UTRN: variants seen among roughly 807,000 people sequenced by gnomAD.
UTRN encodes dystrophin-related protein 1.
In UTRN, 283 loss-of-function variants were observed where a neutral mutation model predicts 463.9. The ratio of observed to expected loss-of-function variants is 0.61; its 90% confidence interval spans 0.55 to 0.67. The LOEUF (loss-of-function observed/expected upper bound fraction) is 0.67, where lower values mean the gene tolerates loss of function less well. Ranked by LOEUF, UTRN falls within the 30% of genes least tolerant of loss-of-function variation. The pLI, the probability that UTRN is intolerant of heterozygous loss-of-function variation, is 0.00. For synonymous variants in UTRN, 1,442 were observed against 1,431.5 expected (o/e 1.01, Z -0.17); for missense variants, 3,922 against 4,084.3 (o/e 0.96, Z 1.08).
chr6:144,842,752 T>G (rs1180809853), intron 73 of UTRN, among the ~76,000 whole-genome samples: 6 of 152,196 alleles, frequency 3.9e-5, no homozygotes, highest in Non-Finnish European at 5.9e-5. Context: ...TCTACTATAA[T>G]GCTTCTCAAA....
intron 51 of UTRN, among the ~76,000 whole-genome samples, chr6:144,663,851 T>G (rs989342581): frequency 6.6e-6 from 1 of 152,236 alleles, no homozygotes; most frequent in Admixed American, 6.5e-5. Context: ...TTGCTCAGTT[T>G]GCCATATCTC....
intron 51 of UTRN, among the ~76,000 whole-genome samples, chr6:144,578,362 T>A (rs941189682): frequency 6.6e-6 from 1 of 152,150 alleles, no homozygotes; most frequent in African/African-American, 2.4e-5. Context: ...CTTTTGTTGT[T>A]GTTGTTTTGT....
intron 51 of UTRN, among the ~76,000 whole-genome samples, chr6:144,641,113 G>A (rs747832177): frequency 3.3e-5 from 5 of 152,128 alleles, no homozygotes; most frequent in Non-Finnish European, 7.4e-5. Flanking sequence ...CCAGGGTTAA[G>A]GATGCACCTA....
chr6:144,831,212 A>G (rs1371140534), intron 69 of UTRN, among the ~76,000 whole-genome samples: 2 of 152,188 alleles, frequency 1.3e-5, no homozygotes, highest in African/African-American at 2.4e-5. Context: ...CTATGAATAT[A>G]CTACTTTACT....
Position 144,291,859 on chromosome 6 carries a change from C to T in UTRN, c.31C>T (p.Pro11Ser), listed in dbSNP as rs143774718. MAKYGEHEAS[P>S]DNGQNEFSDI... Reference sequence around the variant, plus strand: ...CAAGTATGGAGAACATGAAGCCAGTCCTGACAATGGGCAGAACGAATTCAG... The same window carrying T: ...CAAGTATGGAGAACATGAAGCCAGTTCTGACAATGGGCAGAACGAATTCAG... Residue 11 changes from proline to serine, a missense_variant, in exon 2 of 75, where the codon CCT becomes TCT. Physicochemically the swap from Pro to Ser is moderately conservative, Grantham distance 74. This residue lies in a region of UTRN where 264 missense variants were observed against 327.9 expected (regional missense o/e 0.81). Coordinates refer to ENST00000367545, the MANE Select transcript of UTRN (RefSeq NM_007124.3). The T allele has an allele frequency of 4.3e-5, 70 of 1,613,364 alleles. No homozygotes were observed. The Admixed American group carries it at 1.2e-3, about 27-fold the overall frequency.
intron 51 of UTRN, among the ~76,000 whole-genome samples, chr6:144,673,111 G>A (rs1781222954): frequency 6.6e-6 from 1 of 152,128 alleles, no homozygotes; most frequent in South Asian, 2.1e-4. Flanking sequence ...CTATCTTGAA[G>A]AATGTTCCAT....
At chr6:144,365,661 A>G (rs1373906407) in intron 2 of UTRN, among the ~76,000 whole-genome samples, 1 of 152,250 alleles carries the variant, frequency 6.6e-6, no homozygotes, top group East Asian at 1.9e-4. Context: ...TGAAAAGTGA[A>G]GAAGTTCAGA....
Position 144,436,143 on chromosome 6 carries a change from A to G in UTRN, c.1059+5A>G, listed in dbSNP as rs754022162. Reference sequence around the variant, plus strand: ...GACCAGTTTGCAACCCATGAAGTAAATATCTGTAGTTTCTTAGCAGGGTGT... The same window carrying G: ...GACCAGTTTGCAACCCATGAAGTAAGTATCTGTAGTTTCTTAGCAGGGTGT... On this transcript the variant is annotated splice_donor_5th_base_variant and intron_variant, in intron 10 of 74. Transcript: ENST00000367545. The G allele has an allele frequency of 3.1e-6, 5 of 1,611,532 alleles. No individual in the cohort carries two copies. The highest frequency in any genetic ancestry group is 4.2e-6 in the Non-Finnish European group (5 of 1,179,080).
At chr6:144,388,219 T>C (rs1781577693) in intron 2 of UTRN, among the ~76,000 whole-genome samples, 1 of 152,244 alleles carries the variant, frequency 6.6e-6, no homozygotes, top group Admixed American at 6.5e-5. Context: ...GTGTATATTC[T>C]TTAATGACCT....
chr6:144,622,184 G>GTCTTTTTTTTTTTTTTTTTTTT (rs1775467784), intron 51 of UTRN, among the ~76,000 whole-genome samples: 1 of 88,202 alleles, frequency 1.1e-5, no homozygotes. Flanking sequence ...TTTTTTTGTT[G>GTCTTTTTTTTTTTTTTTTTTTT]TTTTTTTTTT....
chr6:144,789,316 GTAA>G, intron 62 of UTRN, 37 bp downstream of exon 62: 1 of 1,456,702 alleles, frequency 6.9e-7, no homozygotes, highest in Non-Finnish European at 9.5e-7. Flanking sequence ...AGTGTTTTTA[GTAA>G]TAATAATGAT....
chr6:144,431,701 C>G (rs1397788261), intron 9 of UTRN, among the ~76,000 whole-genome samples: 1 of 152,170 alleles, frequency 6.6e-6, no homozygotes, highest in Non-Finnish European at 1.5e-5. Context: ...ACTAACTTTC[C>G]TGGTTCTTAG....
intron 73 of UTRN, among the ~76,000 whole-genome samples, chr6:144,842,996 A>G (rs1053969068): frequency 6.6e-6 from 1 of 152,230 alleles, no homozygotes; most frequent in Non-Finnish European, 1.5e-5. Context: ...TTTATTAATT[A>G]TAATTCAAGG....
intron 58 of UTRN, among the ~76,000 whole-genome samples, chr6:144,759,237 A>G (rs1792361785): frequency 6.6e-6 from 1 of 152,132 alleles, no homozygotes; most frequent in African/African-American, 2.4e-5. Context: ...GATTGGTGTC[A>G]AATTTGCCCA....
intron 33 of UTRN, among the ~76,000 whole-genome samples, chr6:144,495,000 A>G (rs1457505033): frequency 6.6e-6 from 1 of 152,116 alleles, no homozygotes; most frequent in Non-Finnish European, 1.5e-5. Flanking sequence ...CTAGATACAG[A>G]GTGCCGATTG....
chr6:144,490,060 T>A lies in UTRN; in HGVS notation c.4135-11T>A. 6.2e-7 allele frequency: 1 copy of A among 1,602,638 alleles called. No homozygotes were observed. The highest frequency in any genetic ancestry group is 8.5e-7 in the Non-Finnish European group (1 of 1,176,422). On this transcript the variant is annotated splice_polypyrimidine_tract_variant and intron_variant, in intron 30 of 74. Coordinates refer to ENST00000367545, the MANE Select transcript of UTRN (RefSeq NM_007124.3). ...AAAGGACATCCTCTCCCCTTTCCAA[T>A]CTCTTTTTAGAAAATCCAAGCAGAG... is the stretch of plus-strand genomic sequence containing the variant.
At chr6:144,497,539 A>G (rs1793775313) in intron 33 of UTRN, among the ~76,000 whole-genome samples, 1 of 148,612 alleles carries the variant, frequency 6.7e-6, no homozygotes, top group Non-Finnish European at 1.5e-5. Flanking sequence ...AAATTAGCTG[A>G]GTGTGGTAGT....
At chr6:144,407,140 A>G (rs1275922124) in intron 3 of UTRN, among the ~76,000 whole-genome samples, 4 of 152,060 alleles carry the variant, frequency 2.6e-5, no homozygotes, top group Admixed American at 2.6e-4. Flanking sequence ...CTGTAATTTA[A>G]ATAGTTGCCA....
At chr6:144,392,252 T>C (rs904697565) in intron 2 of UTRN, among the ~76,000 whole-genome samples, 7 of 152,238 alleles carry the variant, frequency 4.6e-5, no homozygotes, top group African/African-American at 1.7e-4. Flanking sequence ...ATTATGTATG[T>C]GACTTTCATT....
Sources: gnomAD v4.1 joint callset for allele counts (sites outside exome capture counted in the v4.1 genomes callset) on GRCh38, gnomAD v4.1.1 for gene constraint, gnomAD v4.1.1 regional missense constraint, MANE v1.5 for transcripts, NCBI Gene and HGNC (gene_info 2026-07-23, HGNC 2026-07-21) for gene names.